PARG: variants seen among roughly 807,000 people sequenced by gnomAD.
PARG encodes the protein poly(ADP-ribose) glycohydrolase, also known as mitochondrial poly(ADP-ribose) glycohydrolase.
A neutral mutation model predicts 113.0 loss-of-function variants in PARG; 35 were observed. The observed-to-expected ratio is 0.31, with a 90% CI of 0.24 to 0.41. The LOEUF is 0.41. Among genes scored for constraint, PARG ranks in the 10% least tolerant of loss-of-function variants. PARG has a pLI of 1.00. For missense variants in PARG, 797 were observed against 1,169.4 expected (o/e 0.68, Z 4.64); for synonymous variants, 330 against 409.9 (o/e 0.81, Z 2.36).
At chr10:49,926,009 C>T (rs1291753772) in intron 4 of PARG, among the ~76,000 whole-genome samples, 3 of 152,208 alleles carry the variant, frequency 2.0e-5, no homozygotes, top group African/African-American at 7.2e-5. Context: ...GTCGTACAAT[C>T]TAAACTAATT....
At chr10:49,894,343 C>A (rs545585393) in intron 7 of PARG, among the ~76,000 whole-genome samples, 1 of 151,968 alleles carries the variant, frequency 6.6e-6, no homozygotes, top group South Asian at 2.1e-4. Flanking sequence ...CGCCTGGCAT[C>A]CCTGTCTTTA....
chr10:49,902,879 CTG>C (rs1164949926), intron 7 of PARG, among the ~76,000 whole-genome samples: 1 of 151,434 alleles, frequency 6.6e-6, no homozygotes, highest in African/African-American at 2.4e-5. Flanking sequence ...TGTCACCAGA[CTG>C]GAGTGCAATG....
chr10:49,837,090 A>G (rs1554831236), intron 15 of PARG, among the ~76,000 whole-genome samples: 3 of 152,198 alleles, frequency 2.0e-5, no homozygotes, highest in Non-Finnish European at 4.4e-5. Context: ...GCTTCACAGT[A>G]TGAGTTAGAT....
At chr10:49,940,309 C>A (rs1381788649) in intron 1 of PARG, among the ~76,000 whole-genome samples, 13 of 145,250 alleles carry the variant, frequency 9.0e-5, no homozygotes, top group African/African-American at 3.4e-4. Flanking sequence ...ACCAGCCACA[C>A]AGACTTTTCA....
rs1554832474 is a variant in PARG at position 49,842,071 on chromosome 10, G to A, written c.2433-13C>T. ...CTGCCAGTCGTCCCTGGGACAGGAAGGAAAGGGGAGAAAAGATAAGGAACA... is the reference window on the plus strand; with the variant it reads ...CTGCCAGTCGTCCCTGGGACAGGAAAGAAAGGGGAGAAAAGATAAGGAACA... On this transcript the variant is annotated splice_polypyrimidine_tract_variant and intron_variant, in intron 14 of 17. Coordinates refer to ENST00000616448, the MANE Select transcript of PARG (RefSeq NM_003631.5). The A allele has an allele frequency of 7.2e-6, 11 of 1,522,526 alleles. No individual in the cohort carries two copies. The South Asian group carries it at 8.4e-5, about 12-fold the overall frequency. The allele number at this position is 1,522,526 out of a possible 1,614,324, so 94.3% of individuals were successfully genotyped here.
rs1193322644 is a variant in PARG at position 49,919,107 on chromosome 10, A to C, written c.1663-3116T>G. 3.3e-5 allele frequency among the ~76,000 whole-genome samples: 5 copies of C among 152,106 alleles called. No individual in the cohort carries two copies. In the South Asian group the frequency reaches 1.0e-3, roughly 32 times the overall value. On this transcript the variant is annotated intron_variant, in intron 6 of 17. Coordinates refer to ENST00000616448, the MANE Select transcript of PARG (RefSeq NM_003631.5). ...AGGCACCCACCACCGTGCCCGGCTA[A>C]TTTTTATATTTTTAGTAGAGATGAG...
At chr10:49,922,765 G>C in intron 4 of PARG, 96 bp from the exon 5 acceptor site, 2 of 747,230 alleles carry the variant, frequency 2.7e-6, no homozygotes, top group Non-Finnish European at 4.3e-6. Context: ...CTATAAAATA[G>C]AGACCAGCTC....
chr10:49,832,961 T>A, intron 15 of PARG, 53 bp from the exon 16 acceptor site: 1 of 911,064 alleles, frequency 1.1e-6, no homozygotes, highest in Non-Finnish European at 1.7e-6. Flanking sequence ...ACTAACAGTG[T>A]TTCTGACTGA....
In PARG at chr10:49,841,763, T is replaced by C. The variant is rs545361381; in HGVS notation, c.2541+187A>G. ...CAACAGCCTATCTGGCAACCTTAGC[T>C]GCGAATCAAACAATTACAAAATGGA... On this transcript the variant is annotated intron_variant, in intron 15 of 17. Coordinates refer to ENST00000616448, the MANE Select transcript of PARG (RefSeq NM_003631.5). Among the ~76,000 whole-genome samples, 9 of 152,312 alleles carry C rather than the reference T, an allele frequency of 5.9e-5. No individual in the cohort carries two copies. The South Asian group carries it at 1.9e-3, about 32-fold the overall frequency.
intron 4 of PARG, among the ~76,000 whole-genome samples, chr10:49,927,048 C>T (rs1264231096): frequency 3.3e-5 from 5 of 152,114 alleles, no homozygotes; most frequent in African/African-American, 1.2e-4. Flanking sequence ...GTGGCTCACG[C>T]CTGTAATCCC....
intron 13 of PARG, among the ~76,000 whole-genome samples, chr10:49,847,559 A>T (rs1274322620): frequency 6.6e-6 from 1 of 152,222 alleles, no homozygotes; most frequent in Admixed American, 6.5e-5. Flanking sequence ...CACTTGAGAA[A>T]TATCAAAGTG....
rs1381835745 is a variant in PARG at position 49,932,407 on chromosome 10, G to A, written c.1272-124C>T. 14 of 663,742 alleles carry A rather than the reference G, an allele frequency of 2.1e-5. No individual in the cohort carries two copies. The Admixed American group carries it at 2.3e-4, about 11-fold the overall frequency. 41.1% of individuals were successfully genotyped at this position (663,742 alleles called of 1,614,324 possible). ...TATGCCATACTTGGTCACTCACTTC[G>A]TTATGTATTATATTTACAATCAAAA... On this transcript the variant is annotated intron_variant, in intron 3 of 17. Transcript: ENST00000616448.
chr10:49,820,275 G>A lies in PARG; in HGVS notation c.2666C>T (p.Ala889Val). ...ARLKALIQIL[A>V]AAAAERDVVY... ...CACATCTCGCTCAGCTGCAGCAGCT[G>A]CCAATATCTGTATTAAGGCTGAGGC... Residue 889 changes from alanine (A) to valine (V), a missense_variant, in exon 17 of 18, where the codon GCA becomes GTA. Coordinates refer to ENST00000616448, the MANE Select transcript of PARG (RefSeq NM_003631.5). The A allele has an allele frequency of 1.3e-6, 2 of 1,547,612 alleles. No individual in the cohort carries two copies. The highest frequency in any genetic ancestry group is 1.7e-6 in the Non-Finnish European group (2 of 1,143,066).
chr10:49,857,009 CA>C lies in PARG; in HGVS notation c.2353+296del, dbSNP rs71270682. 9.5e-3 allele frequency among the ~76,000 whole-genome samples: 706 copies of C among 74,614 alleles called. 5 individuals are homozygous for C. The highest frequency in any genetic ancestry group is 0.031 in the East Asian group (64 of 2,032). The allele number at this position is 74,614 out of a possible 152,430, so 48.9% of individuals were successfully genotyped here. On this transcript the variant is annotated intron_variant, in intron 13 of 17. Coordinates refer to ENST00000616448, the MANE Select transcript of PARG (RefSeq NM_003631.5). Reference sequence around the variant, plus strand: ...GGGCAACAACAGCAAACCTCTGTCTCAAAAAAAAAAAAAAAAAAAAAAAAAT... The same window carrying C: ...GGGCAACAACAGCAAACCTCTGTCTCAAAAAAAAAAAAAAAAAAAAAAAAT...
rs577290516 is a variant in PARG, at chr10:49,896,946, A to G, written c.1738-11651T>C. Among the ~76,000 whole-genome samples the G allele has an allele frequency of 2.0e-5, 3 of 152,344 alleles. No individual in the cohort carries two copies. In the South Asian group the frequency reaches 6.2e-4, roughly 32 times the overall value. On this transcript the variant is annotated intron_variant, in intron 7 of 17. Transcript: ENST00000616448. Reference sequence around the variant, plus strand: ...TGGTCCACATAGTAACCAATGTTTAATTAGGCATATTTTACTAGGTATTAA... The same window carrying G: ...TGGTCCACATAGTAACCAATGTTTAGTTAGGCATATTTTACTAGGTATTAA...
chr10:49,930,126 C>CA (rs1838413569), intron 4 of PARG, among the ~76,000 whole-genome samples: 2 of 152,158 alleles, frequency 1.3e-5, no homozygotes, highest in African/African-American at 4.8e-5. Context: ...GTGGTCTGCA[C>CA]AAAAATGGGT....
At chr10:49,939,007 G>C (rs1379122932) in intron 1 of PARG, among the ~76,000 whole-genome samples, 1 of 151,994 alleles carries the variant, frequency 6.6e-6, no homozygotes, top group Non-Finnish European at 1.5e-5. Context: ...GTATTCATTT[G>C]GTACCTCTTC....
intron 16 of PARG, among the ~76,000 whole-genome samples, chr10:49,822,196 A>G (rs1844127870): frequency 6.6e-6 from 1 of 152,124 alleles, no homozygotes; most frequent in Admixed American, 6.6e-5. Flanking sequence ...GCATTGGTGT[A>G]TACTCATGAT....
intron 6 of PARG, among the ~76,000 whole-genome samples, chr10:49,918,430 C>T (rs1837621774): frequency 6.6e-6 from 1 of 152,106 alleles, no homozygotes; most frequent in African/African-American, 2.4e-5. Flanking sequence ...AAAAGTAGTC[C>T]ACCATGAGAT....
Sources: gnomAD v4.1 joint callset for allele counts (sites outside exome capture counted in the v4.1 genomes callset) on GRCh38, gnomAD v4.1.1 for gene constraint, MANE v1.5 for transcripts, NCBI Gene and HGNC (gene_info 2026-07-23, HGNC 2026-07-21) for gene names.